Variants in TUBA1A observed in about 807,000 individuals in gnomAD.
TUBA1A encodes tubulin alpha-1A chain.
TUBA1A carries 7 observed loss-of-function variants against 34.6 expected under a neutral mutation model. That is an observed-to-expected ratio of 0.20 (90% CI 0.11 to 0.38). TUBA1A has a LOEUF of 0.38. Ranked by LOEUF, TUBA1A falls within the 10% of genes least tolerant of loss-of-function variation. The probability of loss-of-function intolerance (pLI) is 1.00; values close to 1 mark genes in which losing one functional copy is unlikely to be tolerated. For missense variants in TUBA1A, 19 were observed against 581.3 expected (o/e 0.03, Z 9.95); for synonymous variants, 193 against 210.2 (o/e 0.92, Z 0.71).
rs753391749 is a variant in TUBA1A, at chr12:49,186,540, C to A, written c.226+71G>T. On this transcript the variant is annotated intron_variant, in intron 2 of 3. Coordinates refer to ENST00000301071, the MANE Select transcript of TUBA1A (RefSeq NM_006009.4). The surrounding 1 kb of genome is among the most constrained non-coding windows in gnomAD (Gnocchi z 6.6). ...GGAGGGAGAGTGGGTGAGTGACCAG[C>A]GGAGCCCCCCAGGACAGACCTCCTG... The A allele has an allele frequency of 2.5e-6, 4 of 1,612,276 alleles. No homozygotes were observed. Among genetic ancestry groups the A allele is most frequent in the African/African-American group, 2.7e-5 (2 of 74,874 alleles).
In TUBA1A at chr12:49,188,211, A is replaced by G. The variant is rs1942206560; in HGVS notation, c.3+766T>C. 5.1e-6 allele frequency: 5 copies of G among 985,232 alleles called. No individual in the cohort carries two copies. The South Asian group carries it at 1.9e-4, about 37-fold the overall frequency. The allele number at this position is 985,232 out of a possible 1,614,324, so 61.0% of individuals were successfully genotyped here. On this transcript the variant is annotated intron_variant, in intron 1 of 3. Coordinates refer to ENST00000301071, the MANE Select transcript of TUBA1A (RefSeq NM_006009.4). This position sits in a 1 kb window ranked among gnomAD's most constrained non-coding sequence, Gnocchi z 4.9. ...AAGAAAAAAAAAAGTCATCTAACTTATAATAGTGAAGAAAACCCTTTTGGA... is the reference window on the plus strand; with the variant it reads ...AAGAAAAAAAAAAGTCATCTAACTTGTAATAGTGAAGAAAACCCTTTTGGA...
rs1376408381 is a variant in TUBA1A, at chr12:49,187,494, G to A, written c.4-661C>T. Reference sequence around the variant, plus strand: ...CAGTTTTCCTCCTCTGACCCCGCCCGGGACCATGTGCCTGAATTGAAATGA... The same window carrying A: ...CAGTTTTCCTCCTCTGACCCCGCCCAGGACCATGTGCCTGAATTGAAATGA... On this transcript the variant is annotated intron_variant, in intron 1 of 3. Coordinates refer to ENST00000301071, the MANE Select transcript of TUBA1A (RefSeq NM_006009.4). 8 of 985,890 alleles carry A rather than the reference G, an allele frequency of 8.1e-6. No individual in the cohort carries two copies. In the African/African-American group the frequency reaches 8.7e-5, roughly 11 times the overall value. The allele number at this position is 985,890 out of a possible 1,614,324, so 61.1% of individuals were successfully genotyped here.
chr12:49,185,960 A>G lies in TUBA1A; in HGVS notation c.406T>C (p.Leu136=). Residue 136 remains leucine, a synonymous_variant, in exon 4 of 4, where the codon TTG becomes CTG. Coordinates refer to ENST00000301071, the MANE Select transcript of TUBA1A (RefSeq NM_006009.4). ...ADQCTGLQGF[L]VFHSFGGGTG... is the part of the protein sequence containing the mutation. ...CCCCCACCAAAGCTGTGGAAAACCA[A>G]GAAGCCCTGGAGACCCGTGCACTGG... 20 of 1,614,220 alleles carry G rather than the reference A, an allele frequency of 1.2e-5. No homozygotes were observed. The highest frequency in any genetic ancestry group is 1.7e-5 in the Non-Finnish European group (20 of 1,180,048).
rs1381782573 is a variant in TUBA1A, at chr12:49,186,966, G to A, written c.4-133C>T. The A allele has an allele frequency of 1.5e-5, 22 of 1,493,416 alleles. No homozygotes were observed. The highest frequency in any genetic ancestry group is 5.2e-5 in the South Asian group (4 of 77,552). 92.5% of individuals were successfully genotyped at this position (1,493,416 alleles called of 1,614,324 possible). A position where few individuals can be genotyped will look rare whatever the true frequency, so the allele number is the denominator to read the frequency against. ...TTATTTGAGGTCATATCCCCAGCAC[G>A]ATACAAAGATTAAGGAAAATCACCT... On this transcript the variant is annotated intron_variant, in intron 1 of 3. Coordinates refer to ENST00000301071, the MANE Select transcript of TUBA1A (RefSeq NM_006009.4). This position sits in a 1 kb window ranked among gnomAD's most constrained non-coding sequence, Gnocchi z 6.6.
Position 49,188,395 on chromosome 12 carries a change from G to T in TUBA1A, c.3+582C>A, listed in dbSNP as rs1018246855. The T allele has an allele frequency of 5.2e-6, 8 of 1,534,850 alleles. No individual in the cohort carries two copies. The highest frequency in any genetic ancestry group is 7.0e-6 in the Non-Finnish European group (8 of 1,146,284). Reference sequence around the variant, plus strand: ...CTGCGCCGCCCTGACACCCGCTGCCGGGGGCTCCGGCAGAAACTCACCATG... The same window carrying T: ...CTGCGCCGCCCTGACACCCGCTGCCTGGGGCTCCGGCAGAAACTCACCATG... On this transcript the variant is annotated intron_variant, in intron 1 of 3. Transcript: ENST00000301071. The surrounding 1 kb of genome is among the most constrained non-coding windows in gnomAD (Gnocchi z 4.9).
In TUBA1A at chr12:49,184,840, TG is replaced by T; in HGVS notation, c.*169del. 1 of 1,084,852 alleles carries T rather than the reference TG, an allele frequency of 9.2e-7. No homozygotes were observed. The highest frequency in any genetic ancestry group is 1.4e-6 in the Non-Finnish European group (1 of 729,312). 67.2% of individuals were successfully genotyped at this position (1,084,852 alleles called of 1,614,324 possible). The stretch of plus-strand genomic sequence containing the variant: ...CTTTATTCAAAACCCATCACAGAAA[TG>T]GACAGCTTGGGTCTGTAACAAAGCA... On this transcript the variant is annotated 3_prime_UTR_variant, in exon 4 of 4. Coordinates refer to ENST00000301071, the MANE Select transcript of TUBA1A (RefSeq NM_006009.4).
Position 49,188,628 on chromosome 12 carries a change from C to G in TUBA1A, c.3+349G>C. On this transcript the variant is annotated intron_variant, in intron 1 of 3. Coordinates refer to ENST00000301071, the MANE Select transcript of TUBA1A (RefSeq NM_006009.4). This position sits in a 1 kb window ranked among gnomAD's most constrained non-coding sequence, Gnocchi z 4.9. ...AAGTGGCCCCTCAGCATCAGCGAAA[C>G]CGTGCGCACAGACACGGGGCCCAGC... The G allele has an allele frequency of 6.9e-7, 1 of 1,439,000 alleles. No individual in the cohort carries two copies. The highest frequency in any genetic ancestry group is 9.1e-7 in the Non-Finnish European group (1 of 1,101,488). The allele number at this position is 1,439,000 out of a possible 1,614,324, so 89.1% of individuals were successfully genotyped here.
In TUBA1A at chr12:49,188,735, G is replaced by A. The variant is rs1321010833; in HGVS notation, c.3+242C>T. ...TCTCTCGGATAACACAGGCGCCTAG[G>A]CGCCGCCTTTGTTCCTCCCCAGCGC... On this transcript the variant is annotated intron_variant, in intron 1 of 3. Transcript: ENST00000301071. This position sits in a 1 kb window ranked among gnomAD's most constrained non-coding sequence, Gnocchi z 4.9. 2 of 1,458,150 alleles carry A rather than the reference G, an allele frequency of 1.4e-6. No individual in the cohort carries two copies. Among genetic ancestry groups the A allele is most frequent in the Admixed American group, 2.8e-5 (1 of 35,812 alleles). The allele number at this position is 1,458,150 out of a possible 1,614,324, so 90.3% of individuals were successfully genotyped here. A position where few individuals can be genotyped will look rare whatever the true frequency, so the allele number is the denominator to read the frequency against.
At chr12:49,187,912 CG>C (rs941288425) in intron 1 of TUBA1A, 3 of 18,370 alleles carry the variant, frequency 1.6e-4, no homozygotes, top group African/African-American at 1.2e-3. Context: ...GGGGGCGGGG[CG>C]GGGGGGCGGC....
intron 1 of TUBA1A, chr12:49,187,153 T>C: frequency 3.3e-6 from 4 of 1,226,696 alleles, no homozygotes; most frequent in Non-Finnish European, 4.1e-6. Flanking sequence ...TAAAATGAAG[T>C]AAATCCAATT....
chr12:49,187,714 GA>G (rs1273549604), intron 1 of TUBA1A: 2 of 950,506 alleles, frequency 2.1e-6, no homozygotes, highest in Non-Finnish European at 2.4e-6. Flanking sequence ...AGCATCACAT[GA>G]AAAGGTACCA....
rs984101173 is a variant in TUBA1A at position 49,186,526 on chromosome 12, G to A, written c.227-68C>T. 2 of 1,612,522 alleles carry A rather than the reference G, an allele frequency of 1.2e-6. No homozygotes were observed. The highest frequency in any genetic ancestry group is 2.7e-5 in the African/African-American group (2 of 74,878). On this transcript the variant is annotated intron_variant, in intron 2 of 3. Coordinates refer to ENST00000301071, the MANE Select transcript of TUBA1A (RefSeq NM_006009.4). The surrounding 1 kb of genome is among the most constrained non-coding windows in gnomAD (Gnocchi z 6.6). ...GGGACGAGGAGCGGGGAGGGAGAGT[G>A]GGTGAGTGACCAGCGGAGCCCCCCA...
Position 49,186,195 on chromosome 12 carries a change from C to G in TUBA1A, c.375+115G>C, listed in dbSNP as rs1389463631. On this transcript the variant is annotated intron_variant, in intron 3 of 3. Transcript: ENST00000301071. This position sits in a 1 kb window ranked among gnomAD's most constrained non-coding sequence, Gnocchi z 6.6. The stretch of plus-strand genomic sequence containing the variant: ...AATTTTAAAAACCCCAAAAGAATGA[C>G]TCATTCCACTCTTTATTAAAATAAC... The G allele has an allele frequency of 3.1e-6, 5 of 1,599,064 alleles. No homozygotes were observed. The highest frequency in any genetic ancestry group is 4.3e-6 in the Non-Finnish European group (5 of 1,170,436).
rs1258973479 is a variant in TUBA1A, at chr12:49,188,164, G to A, written c.3+813C>T. 1.0e-6 allele frequency: 1 copy of A among 984,328 alleles called. No homozygotes were observed. Among genetic ancestry groups the A allele is most frequent in the Non-Finnish European group, 1.2e-6 (1 of 829,844 alleles). The allele number at this position is 984,328 out of a possible 1,614,324, so 61.0% of individuals were successfully genotyped here. The stretch of plus-strand genomic sequence containing the variant: ...CCAGACCAGACATTAAAGAGCTTGT[G>A]AAGTGAATTATGATTTTGCTCAAGA... On this transcript the variant is annotated intron_variant, in intron 1 of 3. Transcript: ENST00000301071. The surrounding 1 kb of genome is among the most constrained non-coding windows in gnomAD (Gnocchi z 4.9).
intron 1 of TUBA1A, chr12:49,187,753 T>A: frequency 1.0e-6 from 1 of 983,776 alleles, no homozygotes; most frequent in Non-Finnish European, 1.2e-6. Flanking sequence ...GGAAGGATAA[T>A]GAAATATTTA....
At position 49,188,981 on chromosome 12, in the gene TUBA1A, G is replaced by T; in HGVS notation, c.-2C>A. 6.2e-7 allele frequency: 1 copy of T among 1,614,244 alleles called. No homozygotes were observed. Among genetic ancestry groups the T allele is most frequent in the Non-Finnish European group, 8.5e-7 (1 of 1,180,050 alleles). On this transcript the variant is annotated 5_prime_UTR_variant, in exon 1 of 4. Transcript: ENST00000301071. This position sits in a 1 kb window ranked among gnomAD's most constrained non-coding sequence, Gnocchi z 4.9. ...AGAGCCGAAGCCGATTCTCACCATGGTTGCTGCTTCGCGACTGCCGAGCTG... is the reference window on the plus strand; with the variant it reads ...AGAGCCGAAGCCGATTCTCACCATGTTTGCTGCTTCGCGACTGCCGAGCTG...
rs1942210567 is a variant in TUBA1A, at chr12:49,188,445, T to C, written c.3+532A>G. On this transcript the variant is annotated intron_variant, in intron 1 of 3. Transcript: ENST00000301071. This position sits in a 1 kb window ranked among gnomAD's most constrained non-coding sequence, Gnocchi z 4.9. The stretch of plus-strand genomic sequence containing the variant: ...GTTTTCCCGGGAATGTGTGGGTATC[T>C]TTCCAAAACGCCAAAGACCGCGGAG... 8 of 1,535,750 alleles carry C rather than the reference T, an allele frequency of 5.2e-6. No homozygotes were observed. Among genetic ancestry groups the C allele is most frequent in the Non-Finnish European group, 7.0e-6 (8 of 1,146,772 alleles).
rs955864881 is a variant in TUBA1A, at chr12:49,186,902, T to A, written c.4-69A>T. The A allele has an allele frequency of 2.5e-5, 40 of 1,588,328 alleles. 1 individual carries two copies. In the South Asian group the frequency reaches 3.9e-4, roughly 16 times the overall value. On this transcript the variant is annotated intron_variant, in intron 1 of 3. Coordinates refer to ENST00000301071, the MANE Select transcript of TUBA1A (RefSeq NM_006009.4). The surrounding 1 kb of genome is among the most constrained non-coding windows in gnomAD (Gnocchi z 6.6). Reference sequence around the variant, plus strand: ...TAGCATTTCAAACTTATAGGAAATTTCAAAAATATTTCTAATAATATACAG... The same window carrying A: ...TAGCATTTCAAACTTATAGGAAATTACAAAAATATTTCTAATAATATACAG...
In TUBA1A at chr12:49,188,766, T is replaced by C; in HGVS notation, c.3+211A>G. 1 of 1,527,804 alleles carries C rather than the reference T, an allele frequency of 6.5e-7. No homozygotes were observed. Among genetic ancestry groups the C allele is most frequent in the Non-Finnish European group, 8.7e-7 (1 of 1,148,692 alleles). 94.6% of individuals were successfully genotyped at this position (1,527,804 alleles called of 1,614,324 possible). A position where few individuals can be genotyped will look rare whatever the true frequency, so the allele number is the denominator to read the frequency against. On this transcript the variant is annotated intron_variant, in intron 1 of 3. Coordinates refer to ENST00000301071, the MANE Select transcript of TUBA1A (RefSeq NM_006009.4). The surrounding 1 kb of genome is among the most constrained non-coding windows in gnomAD (Gnocchi z 4.9). ...CCTTTGTTCCTCCCCAGCGCTCTGC[T>C]GCGCCCTGGGCGCAGTACTGGCCCG... is the stretch of plus-strand genomic sequence containing the variant.
Sources: allele counts gnomAD v4.1 joint callset, GRCh38; gene constraint gnomAD v4.1.1; non-coding constraint Gnocchi (gnomAD v3.1); transcripts MANE v1.5; gene names NCBI Gene and HGNC (gene_info 2026-07-23, HGNC 2026-07-21).